TBCE: variants seen among roughly 807,000 people sequenced by gnomAD.
TBCE encodes tubulin-specific chaperone E.
In TBCE, 53 loss-of-function variants were observed where a neutral mutation model predicts 77.0. The observed-to-expected ratio is 0.69, with a 90% CI of 0.55 to 0.87. TBCE has a LOEUF of 0.87. TBCE is among the 40% of genes least tolerant of loss of function. TBCE has a pLI of 0.00. For synonymous variants in TBCE, 235 were observed against 241.3 expected, an observed-to-expected ratio of 0.97 and a Z score of 0.24; for missense variants, 624 against 622.4, an observed-to-expected ratio of 1.00 and a Z score of -0.03.
At chr1:235,408,070 A>G (rs1395671476) in intron 3 of TBCE, among the ~76,000 whole-genome samples, 2 of 152,180 alleles carry the variant, frequency 1.3e-5, no homozygotes, top group African/African-American at 4.8e-5. Flanking sequence ...TAACTTTAAT[A>G]CTTAGCATCA....
intron 1 of TBCE, among the ~76,000 whole-genome samples, chr1:235,369,646 A>G (rs1295416019): frequency 1.5e-5 from 2 of 131,238 alleles, no homozygotes; most frequent in Non-Finnish European, 3.2e-5. Flanking sequence ...AAGTGGCGAA[A>G]CCCCGTCTCT....
At chr1:235,437,500 AT>A (rs1180438314) in intron 12 of TBCE, 26 bp downstream of exon 12, 1 of 1,613,068 alleles carries the variant, frequency 6.2e-7, no homozygotes, top group Non-Finnish European at 8.5e-7. Flanking sequence ...ATGACTAGAT[AT>A]TTTTTAGACT....
intron 2 of TBCE, among the ~76,000 whole-genome samples, chr1:235,393,918 C>T (rs1678561137): frequency 6.6e-6 from 1 of 152,084 alleles, no homozygotes; most frequent in African/African-American, 2.4e-5. Context: ...AAAGTTCCTG[C>T]CTTTGACAGA....
chr1:235,443,421 C>A (rs920612085), intron 15 of TBCE, among the ~76,000 whole-genome samples: 6 of 152,054 alleles, frequency 3.9e-5, no homozygotes, highest in Non-Finnish European at 5.9e-5. Context: ...AGGCTGGTCT[C>A]GAATTCCTGA....
chr1:235,391,600 C>CTTTT (rs58265980), intron 2 of TBCE, among the ~76,000 whole-genome samples: 48 of 85,402 alleles, frequency 5.6e-4, no homozygotes, highest in African/African-American at 9.1e-4. Context: ...GCTTCATTTC[C>CTTTT]TTTTTTTTTT....
In TBCE at chr1:235,381,961, C is replaced by T. The variant is rs1343687784; in HGVS notation, c.100+1812C>T. Among the ~76,000 whole-genome samples the T allele has an allele frequency of 1.0e-4, 9 of 89,468 alleles. 1 individual carries two copies. The highest frequency in any genetic ancestry group is 1.8e-4 in the Non-Finnish European group (9 of 48,950). 58.7% of individuals were successfully genotyped at this position (89,468 alleles called of 152,430 possible). A position where few individuals can be genotyped will look rare whatever the true frequency, so the allele number is the denominator to read the frequency against. ...GTATATCTCCTAATGCTATCCCTCC[C>T]CCCTCCCCCCACCCCACAACAGTCC... On this transcript the variant is annotated intron_variant, in intron 2 of 16. Coordinates refer to ENST00000642610, the MANE Select transcript of TBCE (RefSeq NM_003193.5).
intron 2 of TBCE, among the ~76,000 whole-genome samples, chr1:235,382,384 C>T (rs997514283): frequency 6.2e-4 from 94 of 152,280 alleles, no homozygotes; most frequent in African/African-American, 2.0e-3. Flanking sequence ...CCCAAGGAAT[C>T]GCCACACTGA....
intron 2 of TBCE, among the ~76,000 whole-genome samples, chr1:235,389,471 G>A (rs1304274846): frequency 6.6e-6 from 1 of 152,098 alleles, no homozygotes; most frequent in Non-Finnish European, 1.5e-5. Flanking sequence ...GGGACTACAG[G>A]CACCTGCCAC....
At chr1:235,395,575 C>T (rs111418221) in intron 2 of TBCE, among the ~76,000 whole-genome samples, 1,726 of 144,346 alleles carry the variant, frequency 0.012, 40 homozygotes, top group African/African-American at 0.04. Context: ...GGTGGAGTCT[C>T]GCTCTGTCGC....
intron 2 of TBCE, among the ~76,000 whole-genome samples, chr1:235,397,200 CTTTT>C (rs34523932): frequency 4.0e-5 from 4 of 100,796 alleles, no homozygotes; most frequent in Admixed American, 1.1e-4. Context: ...GTCTCAATCT[CTTTT>C]TTTTTTTTTT....
Position 235,442,454 on chromosome 1 carries a change from G to C in TBCE, c.1340-398G>C, listed in dbSNP as rs541112540. Among the ~76,000 whole-genome samples the C allele has an allele frequency of 3.3e-5, 5 of 151,990 alleles. No homozygotes were observed. The South Asian group carries it at 8.3e-4, about 25-fold the overall frequency. ...CAAAGTGCTAGGATTAGCGGCATGA[G>C]CTACCGCGCCCTGTCAAAGAAATGA... On this transcript the variant is annotated intron_variant, in intron 14 of 16. Coordinates refer to ENST00000642610, the MANE Select transcript of TBCE (RefSeq NM_003193.5).
chr1:235,446,798 A>G (rs1465600935), intron 15 of TBCE, among the ~76,000 whole-genome samples: 1 of 151,532 alleles, frequency 6.6e-6, no homozygotes, highest in Admixed American at 6.6e-5. Flanking sequence ...CCTGGGCTCA[A>G]GTGATCCTCC....
intron 2 of TBCE, among the ~76,000 whole-genome samples, chr1:235,399,503 G>C (rs946429048): frequency 1.5e-5 from 2 of 133,164 alleles, no homozygotes; most frequent in Admixed American, 1.5e-4. Context: ...CTCCCGGAGA[G>C]GCTCCCACCC....
At chr1:235,398,307 G>A (rs899297566) in intron 2 of TBCE, among the ~76,000 whole-genome samples, 28 of 151,528 alleles carry the variant, frequency 1.8e-4, no homozygotes, top group African/African-American at 6.3e-4. Flanking sequence ...CACCACGCCC[G>A]GCTAATTTTT....
intron 9 of TBCE, chr1:235,436,104 A>G (rs906832138): frequency 1.2e-5 from 7 of 602,280 alleles, no homozygotes; most frequent in Middle Eastern, 4.4e-4. Flanking sequence ...GTCTTCATTC[A>G]TTAAACTCCG....
chr1:235,424,933 G>A (rs953035913), intron 5 of TBCE, among the ~76,000 whole-genome samples: 2 of 152,144 alleles, frequency 1.3e-5, no homozygotes, highest in African/African-American at 2.4e-5. Context: ...GAGCCGCCGC[G>A]CCTGGCCTGG....
intron 2 of TBCE, among the ~76,000 whole-genome samples, chr1:235,398,190 G>T (rs1678861338): frequency 6.7e-6 from 1 of 150,288 alleles, no homozygotes. Context: ...TTGTCGCCCA[G>T]GTTGGAGTAC....
chr1:235,417,880 C>T (rs868732391), intron 4 of TBCE, among the ~76,000 whole-genome samples: 7 of 152,134 alleles, frequency 4.6e-5, no homozygotes, highest in African/African-American at 9.7e-5. Context: ...CGGGTTCAAG[C>T]GATTCCCCTG....
At chr1:235,427,894 G>A (rs1190779670) in intron 6 of TBCE, among the ~76,000 whole-genome samples, 1 of 152,104 alleles carries the variant, frequency 6.6e-6, no homozygotes, top group African/African-American at 2.4e-5. Context: ...GCTGGGCGTG[G>A]TGGCATGCAA....
Sources: allele counts gnomAD v4.1 joint callset (sites outside exome capture counted in the v4.1 genomes callset), GRCh38; gene constraint gnomAD v4.1.1; transcripts MANE v1.5; gene names NCBI Gene and HGNC (gene_info 2026-07-23, HGNC 2026-07-21).